ALK: variants seen among roughly 807,000 people sequenced by gnomAD.
ALK encodes ALK receptor tyrosine kinase, also known as ALK tyrosine kinase receptor.
A neutral mutation model predicts 163.1 loss-of-function variants in ALK; 74 were observed. The observed-to-expected ratio is 0.45, with a 90% CI of 0.38 to 0.55. The LOEUF is 0.55. Among genes scored for constraint, ALK ranks in the 20% least tolerant of loss-of-function variants. The pLI is 0.00. For missense variants in ALK, 2,063 were observed against 2,105.3 expected (o/e 0.98, Z 0.39); for synonymous variants, 960 against 843.2 (o/e 1.14, Z -2.40).
chr2:29,796,077 CT>C (rs1205589722), intron 1 of ALK, among the ~76,000 whole-genome samples: 1 of 152,032 alleles, frequency 6.6e-6, no homozygotes, highest in East Asian at 1.9e-4. Context: ...CTCTTTTATC[CT>C]TATGGTCAAA....
chr2:29,903,892 G>C (rs923420107), intron 1 of ALK, among the ~76,000 whole-genome samples: 8 of 152,092 alleles, frequency 5.3e-5, no homozygotes, highest in African/African-American at 1.9e-4. Flanking sequence ...TCATGCTTCA[G>C]CATCAGCCCA....
chr2:29,251,764 A>T (rs1283487406), intron 11 of ALK, among the ~76,000 whole-genome samples: 4 of 152,240 alleles, frequency 2.6e-5, no homozygotes, highest in African/African-American at 9.6e-5. Flanking sequence ...CCAAAGGCTC[A>T]GCATTGCCTA....
chr2:29,239,912 G>A, intron 12 of ALK, 82 bp from the exon 13 acceptor site: 1 of 1,512,222 alleles, frequency 6.6e-7, no homozygotes, highest in Non-Finnish European at 9.0e-7. Context: ...CTTCCAGTGG[G>A]CTAAGCACAT....
chr2:29,452,163 A>C (rs1461986727), intron 4 of ALK, among the ~76,000 whole-genome samples: 1 of 151,746 alleles, frequency 6.6e-6, no homozygotes, highest in African/African-American at 2.4e-5. Flanking sequence ...GGTTCTTCCT[A>C]CTTCCTCCTC....
At chr2:29,781,929 A>G (rs1306214264) in intron 1 of ALK, among the ~76,000 whole-genome samples, 1 of 152,210 alleles carries the variant, frequency 6.6e-6, no homozygotes, top group Non-Finnish European at 1.5e-5. Context: ...TCGCCCCGAC[A>G]GCCTGAGTGC....
intron 1 of ALK, among the ~76,000 whole-genome samples, chr2:29,721,916 G>A (rs184107621): frequency 2.0e-5 from 3 of 152,180 alleles, no homozygotes; most frequent in East Asian, 1.9e-4. Flanking sequence ...TCTTCTTCCC[G>A]TGTTCTCTTA....
At chr2:29,690,571 C>T (rs1678367151) in intron 3 of ALK, among the ~76,000 whole-genome samples, 1 of 152,160 alleles carries the variant, frequency 6.6e-6, no homozygotes, top group Admixed American at 6.5e-5. Flanking sequence ...ATCAACATGG[C>T]CCCTGGCACT....
At chr2:29,363,509 A>G (rs943897456) in intron 5 of ALK, among the ~76,000 whole-genome samples, 1 of 152,098 alleles carries the variant, frequency 6.6e-6, no homozygotes, top group Non-Finnish European at 1.5e-5. Context: ...CTACTGAGAC[A>G]TGTCTTCTAG....
intron 5 of ALK, among the ~76,000 whole-genome samples, chr2:29,351,007 A>G (rs1274840052): frequency 6.6e-6 from 1 of 152,138 alleles, no homozygotes; most frequent in Non-Finnish European, 1.5e-5. Context: ...ACTCTTGGAG[A>G]TTCATATTGT....
chr2:29,388,985 T>C (rs1669096479), intron 4 of ALK, among the ~76,000 whole-genome samples: 1 of 152,206 alleles, frequency 6.6e-6, no homozygotes, highest in Non-Finnish European at 1.5e-5. Flanking sequence ...TCCATCTCAC[T>C]TAGAGTAAAA....
chr2:29,338,793 A>G (rs1055883601), intron 5 of ALK, among the ~76,000 whole-genome samples: 5 of 152,230 alleles, frequency 3.3e-5, no homozygotes, highest in African/African-American at 9.6e-5. Context: ...ACCGAGTTTC[A>G]GTAGAAGAAT....
intron 3 of ALK, among the ~76,000 whole-genome samples, chr2:29,602,105 C>G (rs1434919062): frequency 6.6e-6 from 1 of 152,130 alleles, no homozygotes; most frequent in Non-Finnish European, 1.5e-5. Flanking sequence ...GAAAGCTGAG[C>G]AAACTCGATA....
intron 3 of ALK, among the ~76,000 whole-genome samples, chr2:29,564,449 C>A (rs4665469): frequency 6.6e-6 from 1 of 151,586 alleles, no homozygotes; most frequent in African/African-American, 2.4e-5. Context: ...CCACCCCCAC[C>A]GCCACCCTTG....
At chr2:29,500,792 G>A (rs893297467) in intron 4 of ALK, among the ~76,000 whole-genome samples, 1 of 152,084 alleles carries the variant, frequency 6.6e-6, no homozygotes, top group African/African-American at 2.4e-5. Context: ...AGGCTACCAG[G>A]AGCCCAATGC....
chr2:29,898,839 G>A (rs1022078271), intron 1 of ALK, among the ~76,000 whole-genome samples: 5 of 152,184 alleles, frequency 3.3e-5, no homozygotes, highest in Non-Finnish European at 5.9e-5. Context: ...AGGGTGGGGA[G>A]GAGAGAAGCC....
chr2:29,525,416 C>T (rs1013284659), intron 4 of ALK, among the ~76,000 whole-genome samples: 2 of 152,164 alleles, frequency 1.3e-5, no homozygotes, highest in Admixed American at 1.3e-4. Flanking sequence ...ACTTTTGGTG[C>T]ACACCCAGAA....
At chr2:29,353,755 C>T (rs1287139602) in intron 5 of ALK, among the ~76,000 whole-genome samples, 1 of 152,112 alleles carries the variant, frequency 6.6e-6, no homozygotes, top group African/African-American at 2.4e-5. Flanking sequence ...TGAAGGCTTC[C>T]TATTAGGTTG....
chr2:29,866,933 G>C (rs1351422250), intron 1 of ALK, among the ~76,000 whole-genome samples: 1 of 152,188 alleles, frequency 6.6e-6, no homozygotes, highest in African/African-American at 2.4e-5. Flanking sequence ...GTGTGTTATG[G>C]CTGGTCCTTT....
At chr2:29,631,995 A>G (rs1280888678) in intron 3 of ALK, among the ~76,000 whole-genome samples, 7 of 152,262 alleles carry the variant, frequency 4.6e-5, no homozygotes, top group African/African-American at 1.7e-4. Context: ...GCTTCTAAGC[A>G]GCACTGAAGG....
Sources: gnomAD v4.1 joint callset for allele counts (sites outside exome capture counted in the v4.1 genomes callset) on GRCh38, gnomAD v4.1.1 for gene constraint, MANE v1.5 for transcripts, NCBI Gene and HGNC (gene_info 2026-07-23, HGNC 2026-07-21) for gene names.